The following GRWD1 variants were observed in gnomAD, a reference collection of about 807,000 sequenced individuals.
The protein encoded by GRWD1 is glutamate rich WD repeat containing 1.
In GRWD1, 29 loss-of-function variants were observed where a neutral mutation model predicts 45.3. The ratio of observed to expected loss-of-function variants is 0.64; its 90% confidence interval spans 0.48 to 0.87. GRWD1 has a LOEUF of 0.87. Among genes scored for constraint, GRWD1 ranks in the 40% least tolerant of loss-of-function variants. The pLI is 0.00. For missense variants in GRWD1, 592 were observed against 618.8 expected (o/e 0.96, Z 0.46); for synonymous variants, 262 against 257.6 (o/e 1.02, Z -0.16).
In GRWD1 at chr19:48,452,470, G is replaced by C. The variant is rs1305177197; in HGVS notation, c.1024-238G>C. On this transcript the variant is annotated intron_variant, in intron 6 of 6. Coordinates refer to ENST00000253237, the MANE Select transcript of GRWD1 (RefSeq NM_031485.4). This position sits in a 1 kb window ranked among gnomAD's most constrained non-coding sequence, Gnocchi z 5.1. ...CAGGGGCGGGGGTTTTGCTACCTGA[G>C]CTGGGAGGGGCTTCTTTGCAGGTGA... Among the ~76,000 whole-genome samples the C allele has an allele frequency of 6.6e-6, 1 of 152,172 alleles. No individual in the cohort carries two copies. Among genetic ancestry groups the C allele is most frequent in the Non-Finnish European group, 1.5e-5 (1 of 68,020 alleles).
In GRWD1 at chr19:48,446,400, G is replaced by T; in HGVS notation, c.203G>T (p.Ser68Ile). ...HRAQTGAPCL[S>I]FDIVRDHLGD... ...CCATCCCCAGGCGCCCCCTGTCTCA[G>T]CTTTGACATAGTCCGGGATCACCTG... The change falls in exon 2 of 7, where the codon AGC becomes ATC. Residue 68 changes from serine (S) to isoleucine (I), a missense_variant. Ser to Ile is a moderately radical substitution (Grantham distance 142). Coordinates refer to ENST00000253237, the MANE Select transcript of GRWD1 (RefSeq NM_031485.4). The T allele has an allele frequency of 6.2e-7, 1 of 1,614,180 alleles. No homozygotes were observed. The highest frequency in any genetic ancestry group is 8.5e-7 in the Non-Finnish European group (1 of 1,180,024).
Position 48,450,246 on chromosome 19 carries a change from G to T in GRWD1, c.469-67G>T, listed in dbSNP as rs540305900. 1.6e-6 allele frequency: 2 copies of T among 1,252,806 alleles called. No homozygotes were observed. Among genetic ancestry groups the T allele is most frequent in the Admixed American group, 3.9e-5 (2 of 50,820 alleles). 77.6% of individuals were successfully genotyped at this position (1,252,806 alleles called of 1,614,324 possible). A position where few individuals can be genotyped will look rare whatever the true frequency, so the allele number is the denominator to read the frequency against. ...TGGTTCTCTGGGATATGGGGAGCGT[G>T]GGGTCAGTGCCTTGATCCTCCTCTC... On this transcript the variant is annotated intron_variant, in intron 3 of 6. Transcript: ENST00000253237. The surrounding 1 kb of genome is among the most constrained non-coding windows in gnomAD (Gnocchi z 5.1).
At position 48,456,703 on chromosome 19, in the gene GRWD1, C is replaced by T. The variant is rs974807356; in HGVS notation, c.*3678C>T. 6.6e-5 allele frequency: 10 copies of T among 152,328 alleles called. No homozygotes were observed. In the East Asian group the frequency reaches 9.7e-4, roughly 15 times the overall value. The allele number at this position is 152,328 out of a possible 1,614,324, so 9.4% of individuals were successfully genotyped here. On this transcript the variant is annotated 3_prime_UTR_variant, in exon 7 of 7. Transcript: ENST00000253237. The stretch of plus-strand genomic sequence containing the variant: ...TGATCCAGCCAGTTCCTGGGAAGTT[C>T]CCCACCACAGGGCCAAGCGTTTGGT...
chr19:48,451,009 A>G, intron 5 of GRWD1, 25 bp from the exon 6 acceptor site: 1 of 1,603,864 alleles, frequency 6.2e-7, no homozygotes. Context: ...GGGCATTGGG[A>G]CCACTCAGAC....
Position 48,452,320 on chromosome 19 carries a change from A to T in GRWD1, c.1024-388A>T, listed in dbSNP as rs1971484391. Among the ~76,000 whole-genome samples, 1 of 149,642 alleles carries T rather than the reference A, an allele frequency of 6.7e-6. No homozygotes were observed. The highest frequency in any genetic ancestry group is 2.5e-5 in the African/African-American group (1 of 40,458). On this transcript the variant is annotated intron_variant, in intron 6 of 6. Transcript: ENST00000253237. The surrounding 1 kb of genome is among the most constrained non-coding windows in gnomAD (Gnocchi z 5.1). ...ACCATGTTGTTCAGGCTGGTCTCCAACTCCTGACCTCGGGTGATCCACCCG... is the reference window on the plus strand; with the variant it reads ...ACCATGTTGTTCAGGCTGGTCTCCATCTCCTGACCTCGGGTGATCCACCCG...
Position 48,450,941 on chromosome 19 carries a change from G to A in GRWD1, c.826-93G>A. The A allele has an allele frequency of 2.0e-6, 3 of 1,508,732 alleles. No individual in the cohort carries two copies. The highest frequency in any genetic ancestry group is 2.7e-6 in the Non-Finnish European group (3 of 1,106,628). 93.5% of individuals were successfully genotyped at this position (1,508,732 alleles called of 1,614,324 possible). A position where few individuals can be genotyped will look rare whatever the true frequency, so the allele number is the denominator to read the frequency against. ...GTTTCCAGGCCAAGTCATAGTAAGGGGAACAGTGAAAGAGAGAGTAGCCCA... is the reference window on the plus strand; with the variant it reads ...GTTTCCAGGCCAAGTCATAGTAAGGAGAACAGTGAAAGAGAGAGTAGCCCA... On this transcript the variant is annotated intron_variant, in intron 5 of 6. Transcript: ENST00000253237. This position sits in a 1 kb window ranked among gnomAD's most constrained non-coding sequence, Gnocchi z 5.1.
At position 48,454,048 on chromosome 19, in the gene GRWD1, C is replaced by T. The variant is rs1382097579; in HGVS notation, c.*1023C>T. 1 of 152,148 alleles carries T rather than the reference C, an allele frequency of 6.6e-6. No homozygotes were observed. The highest frequency in any genetic ancestry group is 1.5e-5 in the Non-Finnish European group (1 of 68,092). 9.4% of individuals were successfully genotyped at this position (152,148 alleles called of 1,614,324 possible). A position where few individuals can be genotyped will look rare whatever the true frequency, so the allele number is the denominator to read the frequency against. On this transcript the variant is annotated 3_prime_UTR_variant, in exon 7 of 7. Coordinates refer to ENST00000253237, the MANE Select transcript of GRWD1 (RefSeq NM_031485.4). The stretch of plus-strand genomic sequence containing the variant: ...CACTGGGAGTCCAGTGCAACCCAAC[C>T]TTCCGCCCACTGGGTGCCGCCGCGT...
intron 2 of GRWD1, 26 bp downstream of exon 2, chr19:48,446,528 C>A: frequency 6.2e-7 from 1 of 1,605,610 alleles, no homozygotes; most frequent in African/African-American, 1.3e-5. Flanking sequence ...TTTCCAGGAC[C>A]AGGAGGCTCA....
rs1601005608 is a variant in GRWD1 at position 48,452,143 on chromosome 19, A to C, written c.1024-565A>C. ...CGATGGAGTTTTGCTCTTGTTTCCC[A>C]GGCTGGAGTGCAGTGGCGCAATCTC... is the stretch of plus-strand genomic sequence containing the variant. On this transcript the variant is annotated intron_variant, in intron 6 of 6. Transcript: ENST00000253237. This position sits in a 1 kb window ranked among gnomAD's most constrained non-coding sequence, Gnocchi z 5.1. 7.0e-6 allele frequency among the ~76,000 whole-genome samples: 1 copy of C among 142,518 alleles called. No individual in the cohort carries two copies. The highest frequency in any genetic ancestry group is 1.5e-5 in the Non-Finnish European group (1 of 66,532). 93.5% of individuals were successfully genotyped at this position (142,518 alleles called of 152,430 possible).
In GRWD1 at chr19:48,452,279, G is replaced by A. The variant is rs1221135028; in HGVS notation, c.1024-429G>A. 6.6e-6 allele frequency among the ~76,000 whole-genome samples: 1 copy of A among 151,848 alleles called. No homozygotes were observed. The highest frequency in any genetic ancestry group is 1.5e-5 in the Non-Finnish European group (1 of 67,960). ...CAGCCCGGCTAATTTTGTATTTTTAGTAGAGATGGGGTTTCACCATGTTGT... is the reference window on the plus strand; with the variant it reads ...CAGCCCGGCTAATTTTGTATTTTTAATAGAGATGGGGTTTCACCATGTTGT... On this transcript the variant is annotated intron_variant, in intron 6 of 6. Transcript: ENST00000253237. This position sits in a 1 kb window ranked among gnomAD's most constrained non-coding sequence, Gnocchi z 5.1.
rs376128559 is a variant in GRWD1 at position 48,450,796 on chromosome 19, G to A, written c.813G>A (p.Pro271=). ...CTGTGGAGGACCTGCAGTGGTCACC[G>A]ACTGAGAACACGGTGAGGGAGGGTG... ...TRSVEDLQWS[P]TENTVFASCS... Residue 271 remains proline (P), a synonymous_variant, in exon 5 of 7, where the codon CCG becomes CCA. Coordinates refer to ENST00000253237, the MANE Select transcript of GRWD1 (RefSeq NM_031485.4). The surrounding 1 kb of genome is among the most constrained non-coding windows in gnomAD (Gnocchi z 5.1). The A allele has an allele frequency of 4.2e-5, 67 of 1,613,490 alleles. No homozygotes were observed. The highest frequency in any genetic ancestry group is 8.0e-5 in the African/African-American group (6 of 74,912).
Position 48,450,928 on chromosome 19 carries a change from A to C in GRWD1, c.826-106A>C. On this transcript the variant is annotated intron_variant, in intron 5 of 6. Transcript: ENST00000253237. The surrounding 1 kb of genome is among the most constrained non-coding windows in gnomAD (Gnocchi z 5.1). ...TGACGGAGGTTTAGTTTCCAGGCCAAGTCATAGTAAGGGGAACAGTGAAAG... is the reference window on the plus strand; with the variant it reads ...TGACGGAGGTTTAGTTTCCAGGCCACGTCATAGTAAGGGGAACAGTGAAAG... 6.7e-7 allele frequency: 1 copy of C among 1,500,566 alleles called. No homozygotes were observed. Among genetic ancestry groups the C allele is most frequent in the South Asian group, 1.2e-5 (1 of 82,634 alleles). The allele number at this position is 1,500,566 out of a possible 1,614,324, so 93.0% of individuals were successfully genotyped here. A position where few individuals can be genotyped will look rare whatever the true frequency, so the allele number is the denominator to read the frequency against.
rs766182030 is a variant in GRWD1 at position 48,450,736 on chromosome 19, C to T, written c.753C>T (p.His251=). The change falls in exon 5 of 7, where the codon CAC becomes CAT. Residue 251 remains histidine (H), a synonymous_variant. Coordinates refer to ENST00000253237, the MANE Select transcript of GRWD1 (RefSeq NM_031485.4). The surrounding 1 kb of genome is among the most constrained non-coding windows in gnomAD (Gnocchi z 5.1). ...LWTPTDGGSW[H]VDQRPFVGHT... is the part of the protein sequence containing the mutation. ...CACCTACGGACGGCGGCTCCTGGCA[C>T]GTGGACCAGCGGCCATTCGTGGGCC... The T allele has an allele frequency of 3.3e-5, 53 of 1,614,066 alleles. No individual in the cohort carries two copies. The highest frequency in any genetic ancestry group is 1.6e-4 in the East Asian group (7 of 44,874).
chr19:48,446,664 C>T lies in GRWD1; in HGVS notation c.306-17C>T. 2 of 1,570,238 alleles carry T rather than the reference C, an allele frequency of 1.3e-6. No individual in the cohort carries two copies. The highest frequency in any genetic ancestry group is 1.7e-4 in the Middle Eastern group (1 of 6,008). ...TCCTGGAATCTAGTGCCTAACTCAC[C>T]CCACAATTTCTCCCAGACTGATGAT... On this transcript the variant is annotated splice_polypyrimidine_tract_variant and intron_variant, in intron 2 of 6. Transcript: ENST00000253237.
chr19:48,451,387 C>CT (rs1971474495), intron 6 of GRWD1, among the ~76,000 whole-genome samples, 156 bp downstream of exon 6: 1 of 152,166 alleles, frequency 6.6e-6, no homozygotes, highest in African/African-American at 2.4e-5. Flanking sequence ...GAGGAGGAAA[C>CT]TGAGGCTCAG....
chr19:48,451,922 C>T (rs1224277852), intron 6 of GRWD1, among the ~76,000 whole-genome samples: 1 of 152,160 alleles, frequency 6.6e-6, no homozygotes, highest in Admixed American at 6.5e-5. Flanking sequence ...AGAGCAGCCT[C>T]TCCTAATGAG....
In GRWD1 at chr19:48,454,791, A is replaced by C. The variant is rs1296602572; in HGVS notation, c.*1766A>C. 2 of 151,074 alleles carry C rather than the reference A, an allele frequency of 1.3e-5. No individual in the cohort carries two copies. Among genetic ancestry groups the C allele is most frequent in the African/African-American group, 4.9e-5 (2 of 40,920 alleles). 9.4% of individuals were successfully genotyped at this position (151,074 alleles called of 1,614,324 possible). On this transcript the variant is annotated 3_prime_UTR_variant, in exon 7 of 7. Coordinates refer to ENST00000253237, the MANE Select transcript of GRWD1 (RefSeq NM_031485.4). Reference sequence around the variant, plus strand: ...CTCTCACCCCATCCCCATTTTATGCATTTTCTCACTGGCTTCCATCCTTTC... The same window carrying C: ...CTCTCACCCCATCCCCATTTTATGCCTTTTCTCACTGGCTTCCATCCTTTC...
In GRWD1 at chr19:48,452,655, C is replaced by G; in HGVS notation, c.1024-53C>G. On this transcript the variant is annotated intron_variant, in intron 6 of 6. Transcript: ENST00000253237. This position sits in a 1 kb window ranked among gnomAD's most constrained non-coding sequence, Gnocchi z 5.1. ...GTTGGGGCTTCTGCCTGGGTCCTCC[C>G]CAGAGTCAGGCTGAGGCATTCAGAG... The G allele has an allele frequency of 6.8e-7, 1 of 1,464,288 alleles. No homozygotes were observed. The highest frequency in any genetic ancestry group is 9.3e-7 in the Non-Finnish European group (1 of 1,078,106). The allele number at this position is 1,464,288 out of a possible 1,614,324, so 90.7% of individuals were successfully genotyped here. A position where few individuals can be genotyped will look rare whatever the true frequency, so the allele number is the denominator to read the frequency against.
intron 2 of GRWD1, 72 bp from the exon 3 acceptor site, chr19:48,446,609 T>C: frequency 6.4e-7 from 1 of 1,553,562 alleles, no homozygotes; most frequent in Non-Finnish European, 8.7e-7. Context: ...TCCAGGAGTC[T>C]GGGTTTCCAG....
Sources: gnomAD v4.1 joint callset for allele counts (sites outside exome capture counted in the v4.1 genomes callset) on GRCh38, gnomAD v4.1.1 for gene constraint, Gnocchi (gnomAD v3.1) non-coding constraint, MANE v1.5 for transcripts, NCBI Gene and HGNC (gene_info 2026-07-23, HGNC 2026-07-21) for gene names.